The following STAG1 variants were observed in gnomAD, a reference collection of about 807,000 sequenced individuals.
The protein encoded by STAG1 is cohesin subunit SA-1.
STAG1 carries 26 observed loss-of-function variants against 170.9 expected under a neutral mutation model. The ratio of observed to expected loss-of-function variants is 0.15; its 90% confidence interval spans 0.11 to 0.21. The LOEUF (loss-of-function observed/expected upper bound fraction) is 0.21. STAG1 is among the 10% of genes least tolerant of loss of function. The probability of loss-of-function intolerance (pLI) is 1.00; values close to 1 mark genes in which losing one functional copy is unlikely to be tolerated. For missense variants in STAG1, 964 were observed against 1,509.5 expected, an observed-to-expected ratio of 0.64 and a Z score of 5.99; for synonymous variants, 514 against 497.7, an observed-to-expected ratio of 1.03 and a Z score of -0.44.
chr3:136,746,601 T>G (rs1010763807), intron 1 of STAG1, among the ~76,000 whole-genome samples: 2 of 152,200 alleles, frequency 1.3e-5, no homozygotes, highest in Non-Finnish European at 2.9e-5. Context: ...TGACTAAACT[T>G]CTGCTGCCTT....
chr3:136,554,154 T>C (rs1329394097), intron 5 of STAG1, among the ~76,000 whole-genome samples: 1 of 152,052 alleles, frequency 6.6e-6, no homozygotes, highest in Non-Finnish European at 1.5e-5. Context: ...GAACATTAAA[T>C]ATAAAATATT....
intron 12 of STAG1, among the ~76,000 whole-genome samples, chr3:136,470,389 T>C (rs1336672410): frequency 6.6e-6 from 1 of 152,216 alleles, no homozygotes; most frequent in Non-Finnish European, 1.5e-5. Context: ...GAAATAATGC[T>C]CATCATCACT....
At chr3:136,623,091 A>G in intron 3 of STAG1, 55 bp downstream of exon 3, 1 of 1,462,020 alleles carries the variant, frequency 6.8e-7, no homozygotes, top group Non-Finnish European at 9.4e-7. Flanking sequence ...AACTCATATA[A>G]ACTCATTAAC....
At chr3:136,390,829 G>A (rs2108327225) in intron 22 of STAG1, among the ~76,000 whole-genome samples, 1 of 152,280 alleles carries the variant, frequency 6.6e-6, no homozygotes, top group East Asian at 1.9e-4. Context: ...GAAGGAGTGG[G>A]TAGGGAAGAG....
rs780548526 is a variant in STAG1, at chr3:136,622,319, T to TG, written c.132+826dup. ...GGGCAACAGAGTGAGACTCGATCGGTGGGGGGGAAAGAAGAAACAGGCCCT... is the reference window on the plus strand; with the variant it reads ...GGGCAACAGAGTGAGACTCGATCGGTGGGGGGGGAAAGAAGAAACAGGCCCT... On this transcript the variant is annotated intron_variant, in intron 3 of 33. Coordinates refer to ENST00000383202, the MANE Select transcript of STAG1 (RefSeq NM_005862.3). Among the ~76,000 whole-genome samples, 135 of 150,666 alleles carry TG rather than the reference T, an allele frequency of 9.0e-4. 1 individual carries two copies. The highest frequency in any genetic ancestry group is 1.6e-3 in the Non-Finnish European group (110 of 67,668).
intron 28 of STAG1, among the ~76,000 whole-genome samples, chr3:136,350,850 G>T (rs1936408387): frequency 6.6e-6 from 1 of 152,074 alleles, no homozygotes; most frequent in Non-Finnish European, 1.5e-5. Context: ...AAATGAGAGG[G>T]TGCTGGTAGT....
intron 7 of STAG1, among the ~76,000 whole-genome samples, chr3:136,519,221 T>A (rs536339675): frequency 6.6e-6 from 1 of 152,148 alleles, no homozygotes; most frequent in African/African-American, 2.4e-5. Flanking sequence ...ACTCCTCTTA[T>A]GTTCTTAGAG....
chr3:136,629,492 T>C (rs1209508247), intron 2 of STAG1, among the ~76,000 whole-genome samples: 1 of 152,086 alleles, frequency 6.6e-6, no homozygotes, highest in East Asian at 1.9e-4. Context: ...TTTATATATG[T>C]TCATATATTT....
At chr3:136,586,715 A>G in intron 4 of STAG1, 1 of 333,898 alleles carries the variant, frequency 3.0e-6, no homozygotes, top group South Asian at 2.4e-5. Flanking sequence ...CCTTCTAATT[A>G]CCTAAAAATA....
At chr3:136,422,703 G>GAAA (rs2087994243) in intron 18 of STAG1, 65 bp downstream of exon 18, 1 of 1,516,174 alleles carries the variant, frequency 6.6e-7, no homozygotes, top group Admixed American at 2.0e-5. Flanking sequence ...GTCTATAAGA[G>GAAA]TACATGAAAA....
intron 22 of STAG1, among the ~76,000 whole-genome samples, chr3:136,391,722 G>C (rs1355912262): frequency 1.3e-5 from 2 of 152,148 alleles, no homozygotes; most frequent in Admixed American, 1.3e-4. Flanking sequence ...ATGTCTTTGT[G>C]TATGTCCAGA....
At chr3:136,664,505 C>CAT (rs1941686978) in intron 1 of STAG1, among the ~76,000 whole-genome samples, 1 of 152,204 alleles carries the variant, frequency 6.6e-6, no homozygotes, top group South Asian at 2.1e-4. Context: ...CCTAGTCAAC[C>CAT]ATATACCTTA....
chr3:136,634,060 G>A (rs1412142101), intron 1 of STAG1, among the ~76,000 whole-genome samples: 1 of 146,432 alleles, frequency 6.8e-6, no homozygotes, highest in Non-Finnish European at 1.5e-5. Flanking sequence ...AGAATCACTT[G>A]AACCCAGGAG....
chr3:136,528,363 A>C (rs976933496), intron 6 of STAG1, among the ~76,000 whole-genome samples: 38 of 152,118 alleles, frequency 2.5e-4, no homozygotes, highest in African/African-American at 8.4e-4. Flanking sequence ...CTCCGTGGGC[A>C]TGGGACCCTC....
chr3:136,552,550 A>AC (rs1372335715), intron 5 of STAG1, among the ~76,000 whole-genome samples: 1 of 152,198 alleles, frequency 6.6e-6, no homozygotes, highest in Non-Finnish European at 1.5e-5. Context: ...TGCTGAAATC[A>AC]CTTTTTCTAT....
At chr3:136,478,193 G>C (rs941876878) in intron 9 of STAG1, among the ~76,000 whole-genome samples, 1 of 152,142 alleles carries the variant, frequency 6.6e-6, no homozygotes, top group African/African-American at 2.4e-5. Flanking sequence ...ATATTTTTTA[G>C]GCTGAGACGG....
chr3:136,398,719 AC>A, intron 22 of STAG1, 29 bp downstream of exon 22: 1 of 1,412,698 alleles, frequency 7.1e-7, no homozygotes, highest in Non-Finnish European at 9.8e-7. Flanking sequence ...TTCAGTAATA[AC>A]CCTTCTGCCT....
At chr3:136,644,884 C>A in intron 1 of STAG1, among the ~76,000 whole-genome samples, 1 of 152,112 alleles carries the variant, frequency 6.6e-6, no homozygotes, top group Non-Finnish European at 1.5e-5. Context: ...CCATGCCCAG[C>A]TAATTTTTTG....
At chr3:136,498,334 G>A (rs1933271599) in intron 9 of STAG1, among the ~76,000 whole-genome samples, 1 of 135,076 alleles carries the variant, frequency 7.4e-6, no homozygotes, top group Non-Finnish European at 1.6e-5. Flanking sequence ...GGCTAGCAAC[G>A]CATTCAATGA....
Sources: gnomAD v4.1 joint callset for allele counts (sites outside exome capture counted in the v4.1 genomes callset) on GRCh38, gnomAD v4.1.1 for gene constraint, MANE v1.5 for transcripts, NCBI Gene and HGNC (gene_info 2026-07-23, HGNC 2026-07-21) for gene names.